PPARGC1A: variants seen among roughly 807,000 people sequenced by gnomAD.
PPARGC1A encodes the protein peroxisome proliferator-activated receptor gamma coactivator 1-alpha.
Under a neutral mutation model 88.7 loss-of-function variants are expected in PPARGC1A, and 25 were observed. That is an observed-to-expected ratio of 0.28 (90% CI 0.21 to 0.39). PPARGC1A has a LOEUF of 0.39. Ranked by LOEUF, PPARGC1A falls within the 10% of genes least tolerant of loss-of-function variation. The pLI, the probability that PPARGC1A is intolerant of heterozygous loss-of-function variation, is 1.00. For missense variants in PPARGC1A, 880 were observed against 968.7 expected (o/e 0.91, Z 1.22); for synonymous variants, 363 against 355.6 (o/e 1.02, Z -0.24).
At chr4:24,041,084 T>G in the PPARGC1A span, among the ~76,000 whole-genome samples, 1 of 152,160 alleles carries the variant, frequency 6.6e-6, no homozygotes, top group Admixed American at 6.5e-5. Flanking sequence ...GCTAGCTAGG[T>G]TTCCCTGTGC....
chr4:24,300,905 A>G, the PPARGC1A span, among the ~76,000 whole-genome samples: 1 of 152,152 alleles, frequency 6.6e-6, no homozygotes, highest in Admixed American at 6.5e-5. Flanking sequence ...CAGTGGCTGG[A>G]GATTCTGCAA....
chr4:23,940,787 G>A, the PPARGC1A span, among the ~76,000 whole-genome samples: 1 of 152,100 alleles, frequency 6.6e-6, no homozygotes, highest in Non-Finnish European at 1.5e-5. Context: ...TCAGTGTGTA[G>A]GATGCAATTC....
chr4:24,115,146 T>G, the PPARGC1A span, among the ~76,000 whole-genome samples: 1 of 152,178 alleles, frequency 6.6e-6, no homozygotes, highest in African/African-American at 2.4e-5. Context: ...TATATTTCCT[T>G]GATATAGCCT....
the PPARGC1A span, among the ~76,000 whole-genome samples, chr4:24,004,414 G>A: frequency 6.6e-6 from 1 of 152,180 alleles, no homozygotes; most frequent in Non-Finnish European, 1.5e-5. Flanking sequence ...CACATCAGTT[G>A]GGATGATTAA....
the PPARGC1A span, among the ~76,000 whole-genome samples, chr4:24,049,308 G>GTGTGTATATATA: frequency 1.8e-3 from 250 of 139,548 alleles, no homozygotes; most frequent in African/African-American, 4.3e-3. Context: ...ATATATGTGT[G>GTGTGTATATATA]TATATATATA....
chr4:24,010,108 G>A, the PPARGC1A span, among the ~76,000 whole-genome samples: 2 of 152,196 alleles, frequency 1.3e-5, no homozygotes, highest in Non-Finnish European at 2.9e-5. Flanking sequence ...CATTAGACCT[G>A]CAGTCAAATA....
chr4:24,229,437 C>T, the PPARGC1A span, among the ~76,000 whole-genome samples: 11,760 of 150,664 alleles, frequency 0.078, 660 homozygotes, highest in African/African-American at 0.15. Context: ...GCATGAGCCA[C>T]GATGCCCAGC....
chr4:24,071,173 C>G, the PPARGC1A span, among the ~76,000 whole-genome samples: 3 of 152,136 alleles, frequency 2.0e-5, no homozygotes, highest in Admixed American at 6.6e-5. Context: ...CTCTAACTTA[C>G]CATCCCCACC....
the PPARGC1A span, among the ~76,000 whole-genome samples, chr4:24,241,160 C>T: frequency 1.3e-5 from 2 of 152,118 alleles, no homozygotes; most frequent in Admixed American, 1.3e-4. Context: ...TTTGTGTATA[C>T]TTTCTATAGT....
the PPARGC1A span, among the ~76,000 whole-genome samples, chr4:23,929,353 A>T: frequency 1.3e-5 from 2 of 152,154 alleles, no homozygotes; most frequent in African/African-American, 2.4e-5. Context: ...ACCCCTGAGG[A>T]TGTGCTCACA....
the PPARGC1A span, among the ~76,000 whole-genome samples, chr4:24,386,773 T>C: frequency 6.6e-6 from 1 of 152,184 alleles, no homozygotes; most frequent in Non-Finnish European, 1.5e-5. Flanking sequence ...CATTCCATGC[T>C]CATGGATAGG....
chr4:24,173,522 C>T, the PPARGC1A span, among the ~76,000 whole-genome samples: 1 of 152,092 alleles, frequency 6.6e-6, no homozygotes, highest in Non-Finnish European at 1.5e-5. Flanking sequence ...CCTAAGCAGA[C>T]TCTGTTGCAA....
At chr4:24,205,048 C>A in the PPARGC1A span, among the ~76,000 whole-genome samples, 1 of 152,208 alleles carries the variant, frequency 6.6e-6, no homozygotes, top group Non-Finnish European at 1.5e-5. Context: ...TGGTCTCCAA[C>A]TTCTGACCTC....
chr4:24,255,941 T>C, the PPARGC1A span, among the ~76,000 whole-genome samples: 46 of 152,168 alleles, frequency 3.0e-4, no homozygotes, highest in Non-Finnish European at 6.0e-4. Context: ...AAGACAGCCT[T>C]AATAGCATTA....
chr4:24,190,383 C>T, the PPARGC1A span, among the ~76,000 whole-genome samples: 11,328 of 151,888 alleles, frequency 0.075, 448 homozygotes, highest in African/African-American at 0.084. Flanking sequence ...GGCATGGTGG[C>T]GGGTGCCTGT....
the PPARGC1A span, among the ~76,000 whole-genome samples, chr4:24,146,833 G>A: frequency 0.11 from 16,071 of 152,146 alleles, 962 homozygotes; most frequent in African/African-American, 0.15. Context: ...AAGCACCCCT[G>A]GTGGCTCTCC....
At chr4:24,285,036 A>G in the PPARGC1A span, among the ~76,000 whole-genome samples, 90 of 151,074 alleles carry the variant, frequency 6.0e-4, no homozygotes, top group African/African-American at 2.2e-3. Flanking sequence ...AAAAAAAAGT[A>G]AAAAAGAAAG....
chr4:24,136,670 C>T, the PPARGC1A span, among the ~76,000 whole-genome samples: 2 of 152,174 alleles, frequency 1.3e-5, no homozygotes, highest in African/African-American at 2.4e-5. Context: ...CTTTCCCAGC[C>T]TGTTTCCTCA....
the PPARGC1A span, among the ~76,000 whole-genome samples, chr4:23,974,490 T>G: frequency 6.6e-6 from 1 of 152,306 alleles, no homozygotes; most frequent in East Asian, 1.9e-4. Context: ...TTAAAAAAAT[T>G]GCTTTAACGT....
Sources: gnomAD v4.1 joint callset for allele counts (sites outside exome capture counted in the v4.1 genomes callset) on GRCh38, gnomAD v4.1.1 for gene constraint, MANE v1.5 for transcripts, NCBI Gene and HGNC (gene_info 2026-07-23, HGNC 2026-07-21) for gene names.